The following ZKSCAN3 variants were observed in gnomAD, a reference collection of about 807,000 sequenced individuals.
ZKSCAN3 encodes the protein zinc finger with KRAB and SCAN domains 3, also known as zinc finger protein with KRAB and SCAN domains 3.
ZKSCAN3 carries 21 observed loss-of-function variants against 30.7 expected under a neutral mutation model. The observed-to-expected ratio is 0.68, with a 90% confidence interval of 0.49 to 0.99. The LOEUF is 0.99. ZKSCAN3 is among the 50% of genes least tolerant of loss of function. The probability of loss-of-function intolerance (pLI) is 0.00; values close to 1 mark genes in which losing one functional copy is unlikely to be tolerated. For missense variants in ZKSCAN3, 507 were observed against 647.1 expected (o/e 0.78, Z 2.35); for synonymous variants, 201 against 246.7 (o/e 0.81, Z 1.73).
chr6:28,353,851 A>G (rs1343658020), intron 1 of ZKSCAN3: 2 of 457,038 alleles, frequency 4.4e-6, no homozygotes, highest in Non-Finnish European at 8.8e-6. Flanking sequence ...CAACATGTAT[A>G]TGGTACTTAC....
chr6:28,366,420 C>A lies in ZKSCAN3; in HGVS notation c.*135C>A. On this transcript the variant is annotated 3_prime_UTR_variant, in exon 6 of 6. Transcript: ENST00000252211. ...ATTATCAGGTGTTAGAAAATGTAGA[C>A]TGGGTTAGACAAATTATCTTCTAAG... The A allele has an allele frequency of 1.0e-6, 1 of 971,788 alleles. No individual in the cohort carries two copies. Among genetic ancestry groups the A allele is most frequent in the Non-Finnish European group, 1.4e-6 (1 of 697,682 alleles). The allele number at this position is 971,788 out of a possible 1,614,324, so 60.2% of individuals were successfully genotyped here.
At chr6:28,363,583 G>C in intron 4 of ZKSCAN3, 109 bp from the exon 5 acceptor site, 3 of 1,551,802 alleles carry the variant, frequency 1.9e-6, no homozygotes, top group South Asian at 1.2e-5. Context: ...GGCTTTTCCT[G>C]TTTATTACTA....
In ZKSCAN3 at chr6:28,367,528, T is replaced by G. The variant is rs1219618356; in HGVS notation, c.*1243T>G. ...CCTATTCAGACAGTGTGAAAATCAG[T>G]CATCAAGTCAGAATAAAATGATGAA... On this transcript the variant is annotated 3_prime_UTR_variant, in exon 6 of 6. Coordinates refer to ENST00000252211, the MANE Select transcript of ZKSCAN3 (RefSeq NM_024493.4). 6.6e-6 allele frequency: 1 copy of G among 152,094 alleles called. No homozygotes were observed. Among genetic ancestry groups the G allele is most frequent in the African/African-American group, 2.4e-5 (1 of 41,422 alleles). 9.4% of individuals were successfully genotyped at this position (152,094 alleles called of 1,614,324 possible).
intron 1 of ZKSCAN3, among the ~76,000 whole-genome samples, chr6:28,358,205 ATGGAGTCTCTGCAC>A (rs2113914549): frequency 6.6e-6 from 1 of 152,174 alleles, no homozygotes; most frequent in African/African-American, 2.4e-5. Context: ...TTTTTAAGAG[ATGGAGTCTCTGCAC>A]TGTTGCCTAG....
rs150389758 is a variant in ZKSCAN3, at chr6:28,363,338, T to C, written c.586T>C (p.Cys196Arg). The stretch of plus-strand genomic sequence containing the variant: ...CCCCGTGCTTGCCCATGGAGGATGC[T>C]GCAGAGAAGATAAAGTGGTAGCTTC... ...QVPVLAHGGC[C>R]REDKVVASRL... Residue 196 changes from cysteine (C) to arginine (R), a missense_variant, in exon 4 of 6, where the codon TGC becomes CGC. Physicochemically the swap from Cys to Arg is radical, Grantham distance 180. Transcript: ENST00000252211. The C allele has an allele frequency of 5.6e-6, 9 of 1,613,984 alleles. No individual in the cohort carries two copies. The highest frequency in any genetic ancestry group is 7.6e-6 in the Non-Finnish European group (9 of 1,179,994).
chr6:28,361,247 G>T, intron 2 of ZKSCAN3, 77 bp from the exon 3 acceptor site: 1 of 1,482,988 alleles, frequency 6.7e-7, no homozygotes. Flanking sequence ...AATGCTCTTG[G>T]AAATAGTGCC....
In ZKSCAN3 at chr6:28,359,826, C is replaced by A. The variant is rs1187207114; in HGVS notation, c.240C>A (p.His80Gln). Reference sequence around the variant, plus strand: ...GACAGTGGCTGCAGCCTGAGATGCACAGCAAGGAGCAGATCCTGGAGCTGC... The same window carrying A: ...GACAGTGGCTGCAGCCTGAGATGCAAAGCAAGGAGCAGATCCTGGAGCTGC... ...LCRQWLQPEM[H>Q]SKEQILELLV... The change falls in exon 2 of 6, where the codon CAC (histidine) becomes CAA (glutamine). Residue 80 changes from histidine to glutamine, a missense_variant. By Grantham distance (24) the His-to-Gln change is conservative (BLOSUM62 0). Transcript: ENST00000252211. 1 of 1,614,060 alleles carries A rather than the reference C, an allele frequency of 6.2e-7. No individual in the cohort carries two copies. Among genetic ancestry groups the A allele is most frequent in the African/African-American group, 1.3e-5 (1 of 74,936 alleles).
chr6:28,365,473 C>T lies in ZKSCAN3; in HGVS notation c.805C>T (p.Leu269Phe). The T allele has an allele frequency of 1.2e-6, 2 of 1,614,038 alleles. No individual in the cohort carries two copies. The highest frequency in any genetic ancestry group is 1.7e-6 in the Non-Finnish European group (2 of 1,179,950). Residue 269 changes from leucine to phenylalanine, a missense_variant, in exon 6 of 6, where the codon CTT becomes TTT. Coordinates refer to ENST00000252211, the MANE Select transcript of ZKSCAN3 (RefSeq NM_024493.4). ...KSRDLPPAEE[L>F]PEKEHGKISC... ...CAGGGACTTGCCTCCAGCTGAGGAG[C>T]TTCCAGAAAAGGAGCATGGGAAGAT... is the stretch of plus-strand genomic sequence containing the variant.
In ZKSCAN3 at chr6:28,368,319, G is replaced by T. The variant is rs983298258; in HGVS notation, c.*2034G>T. The T allele has an allele frequency of 2.0e-5, 3 of 152,134 alleles. No individual in the cohort carries two copies. Among genetic ancestry groups the T allele is most frequent in the African/African-American group, 7.2e-5 (3 of 41,430 alleles). The allele number at this position is 152,134 out of a possible 1,614,324, so 9.4% of individuals were successfully genotyped here. A position where few individuals can be genotyped will look rare whatever the true frequency, so the allele number is the denominator to read the frequency against. The stretch of plus-strand genomic sequence containing the variant: ...TTATGGTTTCAGAACGCCATTATTA[G>T]TGTCTGACTGTCTTGGTCTTCTTAT... On this transcript the variant is annotated 3_prime_UTR_variant, in exon 6 of 6. Transcript: ENST00000252211.
intron 1 of ZKSCAN3, among the ~76,000 whole-genome samples, chr6:28,357,378 G>A (rs1765499490): frequency 6.6e-6 from 1 of 152,208 alleles, no homozygotes; most frequent in African/African-American, 2.4e-5. Context: ...AGGTAGTAAA[G>A]CCAGGATTTT....
rs1766060120 is a variant in ZKSCAN3, at chr6:28,368,459, A to G, written c.*2174A>G. 1.3e-5 allele frequency: 2 copies of G among 150,978 alleles called. No homozygotes were observed. The highest frequency in any genetic ancestry group is 1.3e-4 in the Admixed American group (2 of 15,166). The allele number at this position is 150,978 out of a possible 1,614,324, so 9.4% of individuals were successfully genotyped here. A position where few individuals can be genotyped will look rare whatever the true frequency, so the allele number is the denominator to read the frequency against. The stretch of plus-strand genomic sequence containing the variant: ...CTTTTTTGTTAAACATACTGTGTAG[A>G]CCATCTTTTTTTTTTCCCATCATGA... On this transcript the variant is annotated 3_prime_UTR_variant, in exon 6 of 6. Transcript: ENST00000252211.
At position 28,365,282 on chromosome 6, in the gene ZKSCAN3, C is replaced by T. The variant is rs1765915144; in HGVS notation, c.758-144C>T. The T allele has an allele frequency of 4.1e-6, 5 of 1,208,418 alleles. No individual in the cohort carries two copies. In the East Asian group the frequency reaches 1.2e-4, roughly 28 times the overall value. 74.9% of individuals were successfully genotyped at this position (1,208,418 alleles called of 1,614,324 possible). The stretch of plus-strand genomic sequence containing the variant: ...TCTCCTCCCCAGCACTCCTGTTCTC[C>T]CCTTTTATTCCCATCCTTATTCTAG... On this transcript the variant is annotated intron_variant, in intron 5 of 5. Transcript: ENST00000252211.
At position 28,359,897 on chromosome 6, in the gene ZKSCAN3, G is replaced by C; in HGVS notation, c.311G>C (p.Ser104Thr). Residue 104 changes from serine (S) to threonine (T), a missense_variant, in exon 2 of 6, where the codon AGC becomes ACC. Transcript: ENST00000252211. ...ACCATCCTGCCGGGGAATCTGCAGA[G>C]CTGGGTGCGGGAGCAGCATCCAGAG... Reference protein sequence around the residue: ...FLTILPGNLQSWVREQHPESG... With the variant: ...FLTILPGNLQTWVREQHPESG... The C allele has an allele frequency of 2.5e-6, 4 of 1,614,110 alleles. No individual in the cohort carries two copies. The highest frequency in any genetic ancestry group is 3.4e-6 in the Non-Finnish European group (4 of 1,180,028).
At chr6:28,363,254 G>A (rs1362417291) in intron 3 of ZKSCAN3, 49 bp from the exon 4 acceptor site, 10 of 1,514,678 alleles carry the variant, frequency 6.6e-6, no homozygotes, top group Non-Finnish European at 9.2e-6. Flanking sequence ...ACAGGGCAGG[G>A]AGGCTGAATG....
In ZKSCAN3 at chr6:28,363,804, T is replaced by C; in HGVS notation, c.746T>C (p.Leu249Pro). The C allele has an allele frequency of 6.2e-7, 1 of 1,613,834 alleles. No homozygotes were observed. Among genetic ancestry groups the C allele is most frequent in the Non-Finnish European group, 8.5e-7 (1 of 1,179,794 alleles). ...RDEKQENHGS[L>P]VSLGDEKQTK... ...GAAAAGCAGGAGAACCATGGCAGCC[T>C]GGTCTCCCTGGGTAAGACTAAAGGA... Residue 249 changes from leucine to proline, a missense_variant, in exon 5 of 6, where the codon CTG becomes CCG. Coordinates refer to ENST00000252211, the MANE Select transcript of ZKSCAN3 (RefSeq NM_024493.4).
chr6:28,359,545 G>A lies in ZKSCAN3; in HGVS notation c.-42G>A, dbSNP rs775531473. The A allele has an allele frequency of 3.2e-5, 50 of 1,582,502 alleles. No homozygotes were observed. Among genetic ancestry groups the A allele is most frequent in the Non-Finnish European group, 4.0e-5 (46 of 1,163,304 alleles). ...TTCAGGGATCTTCTGCAGAAATAGCGCTGGAAGCTAGAGTGAGGCCTGAGT... is the reference window on the plus strand; with the variant it reads ...TTCAGGGATCTTCTGCAGAAATAGCACTGGAAGCTAGAGTGAGGCCTGAGT... On this transcript the variant is annotated 5_prime_UTR_variant, in exon 2 of 6. Coordinates refer to ENST00000252211, the MANE Select transcript of ZKSCAN3 (RefSeq NM_024493.4).
In ZKSCAN3 at chr6:28,366,354, A is replaced by G. The variant is rs1765971611; in HGVS notation, c.*69A>G. 4 of 1,447,974 alleles carry G rather than the reference A, an allele frequency of 2.8e-6. No homozygotes were observed. In the South Asian group the frequency reaches 5.0e-5, roughly 18 times the overall value. The allele number at this position is 1,447,974 out of a possible 1,614,324, so 89.7% of individuals were successfully genotyped here. The stretch of plus-strand genomic sequence containing the variant: ...CTGAAGCCACTCCCCCTGGAGTCTC[A>G]ACTATAGAAATTGTGGGCTGGGCTT... On this transcript the variant is annotated 3_prime_UTR_variant, in exon 6 of 6. Transcript: ENST00000252211.
At chr6:28,352,682 A>G (rs1765118945) in intron 1 of ZKSCAN3, among the ~76,000 whole-genome samples, 1 of 152,250 alleles carries the variant, frequency 6.6e-6, no homozygotes, top group Non-Finnish European at 1.5e-5. Flanking sequence ...ATTTGGATCT[A>G]AAGACTAGAT....
intron 3 of ZKSCAN3, among the ~76,000 whole-genome samples, chr6:28,362,648 A>G (rs754491947): frequency 9.9e-5 from 15 of 152,182 alleles, no homozygotes; most frequent in Non-Finnish European, 1.6e-4. Context: ...TAAGGAATAT[A>G]TAAGGAATAT....
Sources: gnomAD v4.1 joint callset for allele counts (sites outside exome capture counted in the v4.1 genomes callset) on GRCh38, gnomAD v4.1.1 for gene constraint, MANE v1.5 for transcripts, NCBI Gene and HGNC (gene_info 2026-07-23, HGNC 2026-07-21) for gene names.